Variants in RASGRP3 observed in about 807,000 individuals in gnomAD.
RASGRP3 encodes ras guanyl-releasing protein 3.
Under a neutral mutation model 82.7 loss-of-function variants are expected in RASGRP3, and 54 were observed. The observed-to-expected ratio is 0.65, with a 90% CI of 0.52 to 0.82. The LOEUF is 0.82. Among genes scored for constraint, RASGRP3 ranks in the 40% least tolerant of loss-of-function variants. RASGRP3 has a pLI of 0.00. For synonymous variants in RASGRP3, 309 were observed against 300.5 expected, an observed-to-expected ratio of 1.03 and a Z score of -0.29; for missense variants, 861 against 828.9, an observed-to-expected ratio of 1.04 and a Z score of -0.48.
At chr2:33,476,758 CGTGTGTGTGTGTGTGTGTGTGTGTGT>C (rs67368748) in intron 1 of RASGRP3, 51 bp downstream of exon 1, 1 of 140,258 alleles carries the variant, frequency 7.1e-6, no homozygotes, top group Admixed American at 7.1e-5. Context: ...ATTCCCTCTC[CGTGTGTGTGTGTGTGTGTGTGTGTGT>C]GTGTGTGTGT....
intron 10 of RASGRP3, chr2:33,532,996 T>C (rs917436182): frequency 1.3e-5 from 2 of 152,184 alleles, no homozygotes; most frequent in Non-Finnish European, 2.9e-5. Flanking sequence ...GCTTCCTCCT[T>C]CTTTCTTTTC....
chr2:33,475,170 T>G (rs1335803682), upstream of RASGRP3, among the ~76,000 whole-genome samples: 5 of 152,252 alleles, frequency 3.3e-5, no homozygotes, highest in African/African-American at 1.2e-4. Context: ...CATTTTTATA[T>G]CTGAAGTTTA....
At chr2:33,483,303 T>C (rs1393515224) in intron 1 of RASGRP3, among the ~76,000 whole-genome samples, 2 of 152,164 alleles carry the variant, frequency 1.3e-5, no homozygotes, top group Non-Finnish European at 2.9e-5. Flanking sequence ...CACCCCACAA[T>C]AGGTTCTAAG....
chr2:33,460,839 A>G (rs1666322050), intron 2 of RASGRP3, among the ~76,000 whole-genome samples: 1 of 152,140 alleles, frequency 6.6e-6, no homozygotes, highest in Non-Finnish European at 1.5e-5. Context: ...TATAACATAA[A>G]TCACACACAC....
intron 1 of RASGRP3, chr2:33,481,343 T>C (rs1667877867): frequency 1.3e-5 from 2 of 152,182 alleles, no homozygotes; most frequent in Non-Finnish European, 2.9e-5. Context: ...TTTGTATTTT[T>C]AATAGAGACG....
chr2:33,494,015 G>C (rs1412123042), intron 1 of RASGRP3, among the ~76,000 whole-genome samples: 1 of 152,112 alleles, frequency 6.6e-6, no homozygotes, highest in Non-Finnish European at 1.5e-5. Flanking sequence ...AGAGACCCCA[G>C]TATGAGTCTG....
rs1233721052 is a variant in RASGRP3, at chr2:33,487,456, G to A, written c.-261+10749G>A. ...CTTGAGATTAATTGTATTTGGGTGT[G>A]CAGGAAAGGAGGGAGTTAAAGAAGT... On this transcript the variant is annotated intron_variant, in intron 1 of 17. Transcript: ENST00000403687. 1.3e-5 allele frequency among the ~76,000 whole-genome samples: 2 copies of A among 152,176 alleles called. 1 individual carries two copies. Among genetic ancestry groups the A allele is most frequent in the East Asian group, 3.8e-4 (2 of 5,200 alleles).
rs201894763 is a variant in RASGRP3, at chr2:33,520,535, A to T, written c.237-18A>T. ...ACTTGCAATCTTCCAGCTGCCAAAA[A>T]TATTTGATGCCTTTCAGGTACTGGA... On this transcript the variant is annotated intron_variant, in intron 5 of 17. Coordinates refer to ENST00000403687, the MANE Select transcript of RASGRP3 (RefSeq NM_001139488.2). 13 of 1,611,980 alleles carry T rather than the reference A, an allele frequency of 8.1e-6. No individual in the cohort carries two copies. Among genetic ancestry groups the T allele is most frequent in the Non-Finnish European group, 1.1e-5 (13 of 1,178,324 alleles).
intron 1 of RASGRP3, among the ~76,000 whole-genome samples, chr2:33,496,700 T>C (rs538128235): frequency 1.7e-4 from 26 of 152,050 alleles, no homozygotes; most frequent in Non-Finnish European, 2.1e-4. Context: ...TACCAAAAAA[T>C]ACAAAAATTA....
chr2:33,456,727 T>G (rs1666058780), intron 2 of RASGRP3, among the ~76,000 whole-genome samples: 1 of 152,182 alleles, frequency 6.6e-6, no homozygotes, highest in East Asian at 1.9e-4. Context: ...AAAAAATTCA[T>G]TTTTCTAAAA....
At chr2:33,495,760 G>T (rs1669251264) in intron 1 of RASGRP3, among the ~76,000 whole-genome samples, 1 of 152,242 alleles carries the variant, frequency 6.6e-6, no homozygotes, top group Non-Finnish European at 1.5e-5. Context: ...TTCTCCGTTT[G>T]GAACAAGTGA....
intron 1 of RASGRP3, among the ~76,000 whole-genome samples, chr2:33,479,636 T>C (rs1667714403): frequency 6.6e-6 from 1 of 152,122 alleles, no homozygotes. Flanking sequence ...GGTATGCTTT[T>C]CTTCACTGCC....
chr2:33,497,416 C>T (rs768171648), intron 1 of RASGRP3, among the ~76,000 whole-genome samples: 5 of 152,162 alleles, frequency 3.3e-5, no homozygotes, highest in Admixed American at 2.6e-4. Context: ...ATTTTAGTCC[C>T]AGCTTGGTTT....
upstream of RASGRP3, among the ~76,000 whole-genome samples, chr2:33,474,332 C>G (rs1162240670): frequency 6.6e-6 from 1 of 152,040 alleles, no homozygotes; most frequent in Non-Finnish European, 1.5e-5. Flanking sequence ...TGAGTGAGTT[C>G]TTTTATTTAT....
intron 3 of RASGRP3, among the ~76,000 whole-genome samples, chr2:33,515,676 T>C (rs905650626): frequency 2.0e-5 from 3 of 152,220 alleles, no homozygotes; most frequent in Non-Finnish European, 2.9e-5. Flanking sequence ...AGTAGCACAA[T>C]TGACTACATT....
chr2:33,440,078 C>G (rs1312131511), intron 1 of RASGRP3, among the ~76,000 whole-genome samples: 1 of 152,110 alleles, frequency 6.6e-6, no homozygotes, highest in Non-Finnish European at 1.5e-5. Context: ...GCCAAAGAGA[C>G]AGCAGCAGGT....
intron 1 of RASGRP3, among the ~76,000 whole-genome samples, chr2:33,506,032 A>C (rs532648181): frequency 3.3e-4 from 51 of 152,374 alleles, no homozygotes; most frequent in African/African-American, 1.2e-3. Context: ...AGAAAACATA[A>C]ATAAAATGCA....
At chr2:33,504,335 G>A (rs1670154991) in intron 1 of RASGRP3, among the ~76,000 whole-genome samples, 1 of 151,976 alleles carries the variant, frequency 6.6e-6, no homozygotes, top group Non-Finnish European at 1.5e-5. Context: ...ATCTGTCTCT[G>A]TCACCAGACT....
chr2:33,461,834 G>T (rs13388421), intron 2 of RASGRP3, among the ~76,000 whole-genome samples: 16,161 of 152,220 alleles, frequency 0.11, 1,014 homozygotes, highest in South Asian at 0.24. Flanking sequence ...TTTAAGAAAT[G>T]TATGACAAAG....
Sources: gnomAD v4.1 joint callset for allele counts (sites outside exome capture counted in the v4.1 genomes callset) on GRCh38, gnomAD v4.1.1 for gene constraint, MANE v1.5 for transcripts, NCBI Gene and HGNC (gene_info 2026-07-23, HGNC 2026-07-21) for gene names.